The following FARSA variants were observed in gnomAD, a reference collection of about 807,000 sequenced individuals.
FARSA encodes the protein phenylalanyl-tRNA synthetase subunit alpha.
A neutral mutation model predicts 63.2 loss-of-function variants in FARSA; 37 were observed. The ratio of observed to expected loss-of-function variants is 0.59; its 90% CI spans 0.45 to 0.77. The LOEUF (loss-of-function observed/expected upper bound fraction) is 0.77, where lower values mean the gene tolerates loss of function less well. Among genes scored for constraint, FARSA ranks in the 30% least tolerant of loss-of-function variants. The pLI, the probability that FARSA is intolerant of heterozygous loss-of-function variation, is 0.00. For missense variants in FARSA, 618 were observed against 696.6 expected (o/e 0.89, Z 1.27); for synonymous variants, 312 against 285.1 (o/e 1.09, Z -0.95).
At chr19:12,928,143 C>T (rs1270292600) in intron 7 of FARSA, among the ~76,000 whole-genome samples, 199 bp downstream of exon 7, 1 of 151,908 alleles carries the variant, frequency 6.6e-6, no homozygotes, top group Non-Finnish European at 1.5e-5. Flanking sequence ...AGATTCTTCC[C>T]TATGTTGCCT....
chr19:12,923,391 G>C (rs1971286770), intron 12 of FARSA, among the ~76,000 whole-genome samples: 1 of 152,132 alleles, frequency 6.6e-6, no homozygotes, highest in Non-Finnish European at 1.5e-5. Flanking sequence ...CGCCTCCCAG[G>C]TTCAAGTGAT....
intron 1 of FARSA, among the ~76,000 whole-genome samples, chr19:12,931,582 C>A (rs2146001503): frequency 6.6e-6 from 1 of 152,158 alleles, no homozygotes. Context: ...TTTTTAAAGA[C>A]AGGGTGTTGT....
At position 12,922,843 on chromosome 19, in the gene FARSA, C is replaced by A; in HGVS notation, c.1432G>T (p.Val478Leu). 1 of 1,614,122 alleles carries A rather than the reference C, an allele frequency of 6.2e-7. No individual in the cohort carries two copies. Among genetic ancestry groups the A allele is most frequent in the Non-Finnish European group, 8.5e-7 (1 of 1,180,026 alleles). The stretch of plus-strand genomic sequence containing the variant: ...ATCTGCAGGTTCACCTTGTGGCCCA[C>A]CAGCTCCCGGATATTGTTGATGCCA... ...KYGINNIRELVGHKVNLQMVY... is the reference protein window; with the variant it reads ...KYGINNIRELLGHKVNLQMVY... The change falls in exon 13 of 13, where the codon GTG becomes TTG. Residue 478 changes from valine (V) to leucine (L), a missense_variant. Coordinates refer to ENST00000314606, the MANE Select transcript of FARSA (RefSeq NM_004461.3).
chr19:12,922,932 C>G lies in FARSA; in HGVS notation c.1389-46G>C, dbSNP rs926518493. 8.7e-6 allele frequency: 14 copies of G among 1,611,874 alleles called. No homozygotes were observed. In the South Asian group the frequency reaches 1.1e-4, roughly 13 times the overall value. ...GTTTATCATGAGGTCAGCACGTGCA[C>G]CCTTCTGCTCAGATTTCCATGGCTC... is the stretch of plus-strand genomic sequence containing the variant. On this transcript the variant is annotated intron_variant, in intron 12 of 12. Coordinates refer to ENST00000314606, the MANE Select transcript of FARSA (RefSeq NM_004461.3).
Position 12,924,553 on chromosome 19 carries a change from G to C in FARSA, c.1196-27C>G, listed in dbSNP as rs1952467933. ...TGCAGGAAGTGGGGGGCGGGCAGGA[G>C]AGCAGGGGTTTGGAGGATAATGCTG... On this transcript the variant is annotated intron_variant, in intron 10 of 12. Transcript: ENST00000314606. This position sits in a 1 kb window ranked among gnomAD's most constrained non-coding sequence, Gnocchi z 6.4. The C allele has an allele frequency of 1.2e-6, 2 of 1,613,306 alleles. No individual in the cohort carries two copies. The highest frequency in any genetic ancestry group is 1.7e-6 in the Non-Finnish European group (2 of 1,179,922).
chr19:12,928,907 T>A, intron 4 of FARSA, 60 bp from the exon 5 acceptor site: 1 of 1,468,944 alleles, frequency 6.8e-7, no homozygotes, highest in South Asian at 1.1e-5. Context: ...ACTTCCTTGA[T>A]CTCCCGTCTG....
chr19:12,933,373 A>G (rs1971416568), intron 1 of FARSA, 177 bp downstream of exon 1: 1 of 668,310 alleles, frequency 1.5e-6, no homozygotes, highest in African/African-American at 1.9e-5. Flanking sequence ...TGCATGAGGA[A>G]CATCCGTGCG....
At chr19:12,930,805 C>T (rs912090440) in intron 1 of FARSA, 56 bp from the exon 2 acceptor site, 89 of 1,594,524 alleles carry the variant, frequency 5.6e-5, no homozygotes, top group Non-Finnish European at 6.7e-5. Context: ...GAGCCAGGCA[C>T]CCCCTTTCTG....
intron 4 of FARSA, among the ~76,000 whole-genome samples, 168 bp downstream of exon 4, chr19:12,930,055 T>C (rs999010843): frequency 6.6e-6 from 1 of 152,116 alleles, no homozygotes; most frequent in Non-Finnish European, 1.5e-5. Flanking sequence ...AGGGTCCTCA[T>C]GGGCAAAGAC....
intron 1 of FARSA, chr19:12,933,147 A>T: frequency 9.2e-6 from 2 of 218,214 alleles, no homozygotes; most frequent in South Asian, 1.2e-4. Flanking sequence ...TTTCCTCAAC[A>T]GAGAACAGAC....
At position 12,929,190 on chromosome 19, in the gene FARSA, G is replaced by GT. The variant is rs990313926; in HGVS notation, c.504-344dup. On this transcript the variant is annotated intron_variant, in intron 4 of 12. Transcript: ENST00000314606. Reference sequence around the variant, plus strand: ...CCCCACAAGCCCCGGAAAGAGGGCAGTTTTTTTTATTTGTTTGTTTGTTTT... The same window carrying GT: ...CCCCACAAGCCCCGGAAAGAGGGCAGTTTTTTTTTATTTGTTTGTTTGTTTT... Among the ~76,000 whole-genome samples, 74 of 152,174 alleles carry GT rather than the reference G, an allele frequency of 4.9e-4. 1 individual carries two copies. Among genetic ancestry groups the GT allele is most frequent in the African/African-American group, 1.7e-3 (70 of 41,530 alleles).
Position 12,923,035 on chromosome 19 carries a change from C to T in FARSA, c.1389-149G>A. The T allele has an allele frequency of 4.1e-6, 4 of 978,882 alleles. No individual in the cohort carries two copies. In the East Asian group the frequency reaches 1.0e-4, roughly 24 times the overall value. The allele number at this position is 978,882 out of a possible 1,614,324, so 60.6% of individuals were successfully genotyped here. A position where few individuals can be genotyped will look rare whatever the true frequency, so the allele number is the denominator to read the frequency against. On this transcript the variant is annotated intron_variant, in intron 12 of 12. Transcript: ENST00000314606. Reference sequence around the variant, plus strand: ...GCGCCAACTGCTCTATCACCTCTCACCCTCCGCCTTCAGCCACACCAGCCT... The same window carrying T: ...GCGCCAACTGCTCTATCACCTCTCATCCTCCGCCTTCAGCCACACCAGCCT...
intron 12 of FARSA, among the ~76,000 whole-genome samples, chr19:12,923,575 G>A (rs1971289848): frequency 6.6e-6 from 1 of 152,198 alleles, no homozygotes; most frequent in African/African-American, 2.4e-5. Context: ...TGCCTCCTGG[G>A]TTCAAACGAT....
intron 7 of FARSA, among the ~76,000 whole-genome samples, chr19:12,927,310 T>TG (rs1471120814): frequency 6.6e-6 from 1 of 152,042 alleles, no homozygotes; most frequent in African/African-American, 2.4e-5. Flanking sequence ...AAAGAAGACA[T>TG]GGGGGCAGGC....
intron 7 of FARSA, among the ~76,000 whole-genome samples, chr19:12,925,869 C>T (rs1226715146): frequency 2.6e-5 from 4 of 152,124 alleles, no homozygotes; most frequent in African/African-American, 4.8e-5. Context: ...CGTGGGGTTT[C>T]ACCATGTTGG....
At chr19:12,930,108 G>A (rs1971373462) in intron 4 of FARSA, 115 bp downstream of exon 4, 1 of 794,940 alleles carries the variant, frequency 1.3e-6, no homozygotes, top group African/African-American at 1.7e-5. Context: ...TAAGCGAGCT[G>A]GGAGGAAACT....
At chr19:12,928,088 A>G (rs1460134463) in intron 7 of FARSA, among the ~76,000 whole-genome samples, 1 of 151,436 alleles carries the variant, frequency 6.6e-6, no homozygotes, top group Non-Finnish European at 1.5e-5. Context: ...TGACACATCC[A>G]ACAAGGATGG....
In FARSA at chr19:12,924,949, G is replaced by A. The variant is rs1305763967; in HGVS notation, c.981C>T (p.His327=). Residue 327 remains histidine, a synonymous_variant, in exon 9 of 13, where the codon CAC becomes CAT. Transcript: ENST00000314606. This position sits in a 1 kb window ranked among gnomAD's most constrained non-coding sequence, Gnocchi z 6.4. ...GCGCACGGGCGCTGGCTGATGTGGTGTGGGTTCGCAGTAGGTTTTTCCGGG... is the reference window on the plus strand; with the variant it reads ...GCGCACGGGCGCTGGCTGATGTGGTATGGGTTCGCAGTAGGTTTTTCCGGG... The part of the protein sequence containing the change: ...DEARKNLLRT[H]TTSASARALY... The A allele has an allele frequency of 6.2e-7, 1 of 1,614,254 alleles. No homozygotes were observed. Among genetic ancestry groups the A allele is most frequent in the South Asian group, 1.1e-5 (1 of 91,090 alleles).
chr19:12,933,488 C>T, intron 1 of FARSA, 62 bp downstream of exon 1: 1 of 1,516,418 alleles, frequency 6.6e-7, no homozygotes. Flanking sequence ...ACGTAGAGCG[C>T]CCGTGGCAAG....
Sources: gnomAD v4.1 joint callset for allele counts (sites outside exome capture counted in the v4.1 genomes callset) on GRCh38, gnomAD v4.1.1 for gene constraint, Gnocchi (gnomAD v3.1) non-coding constraint, MANE v1.5 for transcripts, NCBI Gene and HGNC (gene_info 2026-07-23, HGNC 2026-07-21) for gene names.